The following PLD5 variants were observed in gnomAD, a reference collection of about 807,000 sequenced individuals.
PLD5 encodes phospholipase D family member 5.
In PLD5, 36 loss-of-function variants were observed where a neutral mutation model predicts 61.1. The observed-to-expected ratio is 0.59, with a 90% CI of 0.45 to 0.78. The LOEUF (loss-of-function observed/expected upper bound fraction) is 0.78, where lower values mean the gene tolerates loss of function less well. Among genes scored for constraint, PLD5 ranks in the 30% least tolerant of loss-of-function variants. PLD5 has a pLI of 0.00. For missense variants in PLD5, 515 were observed against 644.4 expected, an observed-to-expected ratio of 0.80 and a Z score of 2.17; for synonymous variants, 243 against 242.8, an observed-to-expected ratio of 1.00 and a Z score of -0.01.
chr1:242,484,943 A>T (rs957840632), intron 1 of PLD5, among the ~76,000 whole-genome samples: 1 of 152,212 alleles, frequency 6.6e-6, no homozygotes, highest in Non-Finnish European at 1.5e-5. Context: ...ATATAAACAG[A>T]ACCAAAGACA....
At chr1:242,093,004 T>A (rs1659955552) in intron 9 of PLD5, among the ~76,000 whole-genome samples, 1 of 152,180 alleles carries the variant, frequency 6.6e-6, no homozygotes, top group Non-Finnish European at 1.5e-5. Flanking sequence ...CAACCCATCA[T>A]CTGCCCCCTC....
chr1:242,391,793 G>A (rs1355801670), intron 1 of PLD5, among the ~76,000 whole-genome samples: 1 of 152,190 alleles, frequency 6.6e-6, no homozygotes, highest in Non-Finnish European at 1.5e-5. Flanking sequence ...GGAGGAACAT[G>A]TCTGGCTGTC....
intron 3 of PLD5, among the ~76,000 whole-genome samples, chr1:242,269,154 T>A (rs958274373): frequency 6.6e-6 from 1 of 152,202 alleles, no homozygotes; most frequent in Non-Finnish European, 1.5e-5. Context: ...CACTCATCAT[T>A]TTTTTAATAA....
At chr1:242,467,844 T>C (rs1377951418) in intron 1 of PLD5, among the ~76,000 whole-genome samples, 1 of 152,166 alleles carries the variant, frequency 6.6e-6, no homozygotes, top group East Asian at 1.9e-4. Flanking sequence ...GCTGTTTCAG[T>C]CTATCTGTGA....
intron 5 of PLD5, among the ~76,000 whole-genome samples, chr1:242,129,736 T>A (rs957459867): frequency 2.6e-5 from 4 of 152,236 alleles, no homozygotes; most frequent in Non-Finnish European, 4.4e-5. Context: ...ATTGTAACCA[T>A]CATCACCTGG....
At chr1:242,429,485 G>C (rs529336119) in intron 1 of PLD5, among the ~76,000 whole-genome samples, 2 of 152,112 alleles carry the variant, frequency 1.3e-5, no homozygotes, top group Non-Finnish European at 2.9e-5. Context: ...GGCCTTAAGT[G>C]ATTCTCCTGC....
intron 1 of PLD5, among the ~76,000 whole-genome samples, chr1:242,409,329 A>G (rs1283162236): frequency 6.6e-6 from 1 of 152,202 alleles, no homozygotes; most frequent in Admixed American, 6.5e-5. Flanking sequence ...ATTGAACTAG[A>G]TGATTCTTGA....
At chr1:242,461,135 T>A (rs888480225) in intron 1 of PLD5, among the ~76,000 whole-genome samples, 1 of 152,096 alleles carries the variant, frequency 6.6e-6, no homozygotes, top group Non-Finnish European at 1.5e-5. Flanking sequence ...AGGGAGACTG[T>A]CTCAAAAAAG....
rs552447867 is a variant in PLD5 at position 242,465,371 on chromosome 1, T to A, written c.189+58717A>T. The stretch of plus-strand genomic sequence containing the variant: ...GACTCCTAATTGGTCTCCTTTATTA[T>A]ACTCTTATCACCTTATAACCTATAG... On this transcript the variant is annotated intron_variant, in intron 1 of 9. Coordinates refer to ENST00000536534, the MANE Select transcript of PLD5 (RefSeq NM_001372062.1). Among the ~76,000 whole-genome samples, 7 of 152,360 alleles carry A rather than the reference T, an allele frequency of 4.6e-5. No individual in the cohort carries two copies. The South Asian group carries it at 1.4e-3, about 32-fold the overall frequency.
intron 5 of PLD5, among the ~76,000 whole-genome samples, chr1:242,151,432 A>G (rs1205432031): frequency 6.6e-6 from 1 of 151,966 alleles, no homozygotes; most frequent in Non-Finnish European, 1.5e-5. Context: ...CAATTATAAA[A>G]TTTGGGGTGG....
At chr1:242,488,771 TACA>T (rs1305163120) in intron 1 of PLD5, among the ~76,000 whole-genome samples, 1 of 152,172 alleles carries the variant, frequency 6.6e-6, no homozygotes, top group Non-Finnish European at 1.5e-5. Flanking sequence ...GCTCTTCAAT[TACA>T]ACATTAGTGT....
At chr1:242,224,299 T>C (rs957366062) in intron 4 of PLD5, among the ~76,000 whole-genome samples, 2 of 152,206 alleles carry the variant, frequency 1.3e-5, no homozygotes, top group African/African-American at 4.8e-5. Context: ...ATTTGACAAA[T>C]TTTTATAGAA....
At chr1:242,335,212 G>A (rs575693913) in intron 2 of PLD5, among the ~76,000 whole-genome samples, 1 of 151,902 alleles carries the variant, frequency 6.6e-6, no homozygotes, top group African/African-American at 2.4e-5. Flanking sequence ...AACTCAGCTT[G>A]ACCCCTTACT....
At chr1:242,482,220 CA>C (rs1558597826) in intron 1 of PLD5, among the ~76,000 whole-genome samples, 2 of 152,188 alleles carry the variant, frequency 1.3e-5, no homozygotes, top group Admixed American at 1.3e-4. Flanking sequence ...ATGACTTTGA[CA>C]AGTTGAGAGA....
chr1:242,168,481 C>T (rs184362), intron 5 of PLD5, among the ~76,000 whole-genome samples: 2 of 152,026 alleles, frequency 1.3e-5, no homozygotes, highest in Non-Finnish European at 2.9e-5. Context: ...TATAATAATT[C>T]CTTATTAAAC....
intron 1 of PLD5, among the ~76,000 whole-genome samples, chr1:242,435,214 A>G (rs1005455100): frequency 5.0e-5 from 7 of 140,256 alleles, no homozygotes; most frequent in Non-Finnish European, 1.1e-4. Context: ...TTACCCTAAA[A>G]TTGATACTCA....
At chr1:242,520,133 A>AAAT (rs1669233613) in intron 1 of PLD5, among the ~76,000 whole-genome samples, 1 of 152,106 alleles carries the variant, frequency 6.6e-6, no homozygotes, top group Non-Finnish European at 1.5e-5. Flanking sequence ...AATACACATG[A>AAAT]GTCATATGAA....
intron 5 of PLD5, among the ~76,000 whole-genome samples, chr1:242,181,872 A>G (rs1667542950): frequency 2.0e-5 from 3 of 152,032 alleles, no homozygotes; most frequent in Admixed American, 1.3e-4. Context: ...CGATCTCTTG[A>G]CCTCATGATC....
intron 1 of PLD5, among the ~76,000 whole-genome samples, chr1:242,496,776 A>AAACACCC (rs1282915252): frequency 6.6e-6 from 1 of 152,184 alleles, no homozygotes; most frequent in Non-Finnish European, 1.5e-5. Flanking sequence ...TGCCCTCACA[A>AAACACCC]AACACCCCTG....
Sources: gnomAD v4.1 joint callset for allele counts (sites outside exome capture counted in the v4.1 genomes callset) on GRCh38, gnomAD v4.1.1 for gene constraint, MANE v1.5 for transcripts, NCBI Gene and HGNC (gene_info 2026-07-23, HGNC 2026-07-21) for gene names.